NTNG1: variants seen among roughly 807,000 people sequenced by gnomAD.
NTNG1 encodes netrin-G1.
A neutral mutation model predicts 54.0 loss-of-function variants in NTNG1; 16 were observed. The ratio of observed to expected loss-of-function variants is 0.30; its 90% confidence interval spans 0.20 to 0.45. NTNG1 has a LOEUF of 0.45. NTNG1 is among the 20% of genes least tolerant of loss of function. The pLI, the probability that NTNG1 is intolerant of heterozygous loss-of-function variation, is 1.00. For missense variants in NTNG1, 530 were observed against 678.7 expected, an observed-to-expected ratio of 0.78 and a Z score of 2.43; for synonymous variants, 255 against 263.1, an observed-to-expected ratio of 0.97 and a Z score of 0.30.
intron 3 of NTNG1, chr1:107,328,887 T>C (rs1488938685): frequency 6.6e-6 from 1 of 152,202 alleles, no homozygotes; most frequent in African/African-American, 2.4e-5. Flanking sequence ...ATCAAGGTAC[T>C]GATTTTAGCC....
intron 2 of NTNG1, among the ~76,000 whole-genome samples, chr1:107,217,233 A>C (rs1025413188): frequency 2.6e-5 from 4 of 152,050 alleles, no homozygotes; most frequent in African/African-American, 9.7e-5. Flanking sequence ...TATGCATGTA[A>C]CTGTGTTCAC....
chr1:107,330,594 A>G (rs188274934), intron 3 of NTNG1, among the ~76,000 whole-genome samples: 3 of 152,288 alleles, frequency 2.0e-5, no homozygotes, highest in Admixed American at 6.5e-5. Context: ...TGGGGAATAA[A>G]TACTGAAACA....
intron 3 of NTNG1, among the ~76,000 whole-genome samples, chr1:107,347,052 C>G (rs1669289879): frequency 6.6e-6 from 1 of 151,724 alleles, no homozygotes; most frequent in Non-Finnish European, 1.5e-5. Flanking sequence ...GAGCAGACTT[C>G]TAGAGTGAGA....
chr1:107,162,563 A>G (rs1655485972), intron 2 of NTNG1, among the ~76,000 whole-genome samples: 1 of 152,160 alleles, frequency 6.6e-6, no homozygotes, highest in Non-Finnish European at 1.5e-5. Flanking sequence ...AATATTTAGA[A>G]TGGCAAAATA....
At chr1:107,310,420 T>C (rs141538118) in intron 2 of NTNG1, among the ~76,000 whole-genome samples, 10 of 152,312 alleles carry the variant, frequency 6.6e-5, no homozygotes, top group Admixed American at 2.0e-4. Context: ...ACATAGTGCT[T>C]GGCACATGAC....
chr1:107,151,152 C>T (rs1047430976), intron 2 of NTNG1, among the ~76,000 whole-genome samples: 14 of 152,152 alleles, frequency 9.2e-5, no homozygotes, highest in Admixed American at 8.5e-4. Flanking sequence ...ATAGGCATAA[C>T]AAATTTAATA....
At chr1:107,391,370 T>C (rs1265493074) in intron 3 of NTNG1, among the ~76,000 whole-genome samples, 2 of 152,162 alleles carry the variant, frequency 1.3e-5, no homozygotes, top group Non-Finnish European at 2.9e-5. Context: ...GGGGCATGCC[T>C]GGAGCACAAA....
At chr1:107,271,252 G>A (rs990213860) in intron 2 of NTNG1, among the ~76,000 whole-genome samples, 1 of 152,032 alleles carries the variant, frequency 6.6e-6, no homozygotes, top group African/African-American at 2.4e-5. Flanking sequence ...ACAATGTGCA[G>A]GTTAGTTACA....
intron 2 of NTNG1, among the ~76,000 whole-genome samples, chr1:107,182,846 T>G (rs1041421364): frequency 6.6e-6 from 1 of 152,182 alleles, no homozygotes; most frequent in Admixed American, 6.5e-5. Context: ...GCTGATTCGC[T>G]GTGATTCAGT....
At chr1:107,199,877 A>G (rs1658610120) in intron 2 of NTNG1, among the ~76,000 whole-genome samples, 1 of 151,832 alleles carries the variant, frequency 6.6e-6, no homozygotes, top group South Asian at 2.1e-4. Context: ...GGCTTACTCA[A>G]TGTCTTTGTG....
intron 2 of NTNG1, among the ~76,000 whole-genome samples, chr1:107,227,177 CT>C (rs1399043558): frequency 6.6e-6 from 1 of 152,080 alleles, no homozygotes; most frequent in Non-Finnish European, 1.5e-5. Context: ...GTTTCCTCAT[CT>C]GTAAAGTGGG....
chr1:107,328,135 G>A (rs569337801), intron 3 of NTNG1, among the ~76,000 whole-genome samples: 41 of 152,228 alleles, frequency 2.7e-4, no homozygotes, highest in African/African-American at 8.9e-4. Context: ...GGAAAAAGAG[G>A]AAACATGGCT....
At chr1:107,478,634 C>T (rs559343018) in intron 7 of NTNG1, among the ~76,000 whole-genome samples, 1 of 152,116 alleles carries the variant, frequency 6.6e-6, no homozygotes, top group South Asian at 2.1e-4. Flanking sequence ...ACAGATATTT[C>T]CCTACCTCTA....
intron 2 of NTNG1, among the ~76,000 whole-genome samples, chr1:107,231,116 A>C (rs1340627956): frequency 6.6e-6 from 1 of 152,200 alleles, no homozygotes; most frequent in Non-Finnish European, 1.5e-5. Context: ...AACAAACATA[A>C]ATATCCCTGC....
intron 7 of NTNG1, among the ~76,000 whole-genome samples, chr1:107,451,195 T>C (rs1322481428): frequency 6.6e-6 from 1 of 151,912 alleles, no homozygotes; most frequent in East Asian, 1.9e-4. Context: ...GTGCTATTTT[T>C]CAGCAAAGTT....
intron 3 of NTNG1, among the ~76,000 whole-genome samples, chr1:107,377,385 T>C (rs1462665889): frequency 6.6e-6 from 1 of 152,146 alleles, no homozygotes; most frequent in Non-Finnish European, 1.5e-5. Flanking sequence ...CCCACCTAAT[T>C]TCCTGCCTGA....
intron 2 of NTNG1, among the ~76,000 whole-genome samples, chr1:107,203,799 C>T (rs994067615): frequency 6.6e-6 from 1 of 151,466 alleles, no homozygotes; most frequent in African/African-American, 2.4e-5. Flanking sequence ...TCTTAACTGG[C>T]ATTTTATGTC....
At chr1:107,310,003 G>A (rs927740548) in intron 2 of NTNG1, among the ~76,000 whole-genome samples, 5 of 151,984 alleles carry the variant, frequency 3.3e-5, no homozygotes, top group South Asian at 4.1e-4. Flanking sequence ...GATAATACCC[G>A]ACTCCTAGGG....
intron 3 of NTNG1, among the ~76,000 whole-genome samples, chr1:107,360,422 A>C (rs1670193042): frequency 6.6e-6 from 1 of 152,182 alleles, no homozygotes; most frequent in Non-Finnish European, 1.5e-5. Flanking sequence ...AAAGACCCTG[A>C]AGAGAAATAG....
Sources: gnomAD v4.1 joint callset for allele counts (sites outside exome capture counted in the v4.1 genomes callset) on GRCh38, gnomAD v4.1.1 for gene constraint, MANE v1.5 for transcripts, NCBI Gene and HGNC (gene_info 2026-07-23, HGNC 2026-07-21) for gene names.